Variants in MPRIP observed in about 807,000 individuals in gnomAD.
The protein encoded by MPRIP is myosin phosphatase Rho interacting protein.
A neutral mutation model predicts 234.9 loss-of-function variants in MPRIP; 59 were observed. The observed-to-expected ratio is 0.25, with a 90% CI of 0.20 to 0.31. The LOEUF is 0.31. Among genes scored for constraint, MPRIP ranks in the 10% least tolerant of loss-of-function variants. The probability of loss-of-function intolerance (pLI) is 1.00; values close to 1 mark genes in which losing one functional copy is unlikely to be tolerated. For synonymous variants in MPRIP, 1,144 were observed against 1,263.9 expected (o/e 0.91, Z 2.01); for missense variants, 2,436 against 3,071.0 (o/e 0.79, Z 4.89).
At chr17:17,080,766 A>G (rs915919444) in intron 3 of MPRIP, among the ~76,000 whole-genome samples, 2 of 152,256 alleles carry the variant, frequency 1.3e-5, no homozygotes, top group South Asian at 4.1e-4. Context: ...TTTAAAAATG[A>G]AAATGTAAAT....
At chr17:17,085,650 A>C (rs1458568523) in intron 3 of MPRIP, among the ~76,000 whole-genome samples, 1 of 152,166 alleles carries the variant, frequency 6.6e-6, no homozygotes, top group Non-Finnish European at 1.5e-5. Context: ...GTGGTGGCTC[A>C]CGCCTGTAAT....
Position 17,149,869 on chromosome 17 carries a change from C to T in MPRIP, c.1630-275C>T, listed in dbSNP as rs2045561464. ...CCTAACAGAAGCTCTTCTAGGGCCA[C>T]CAGTTTTTAAGAGTGTGAAGGGATT... On this transcript the variant is annotated intron_variant, in intron 11 of 23. Transcript: ENST00000651222. The T allele has an allele frequency of 2.7e-5, 6 of 223,010 alleles. No individual in the cohort carries two copies. In the South Asian group the frequency reaches 6.4e-4, roughly 24 times the overall value. 13.8% of individuals were successfully genotyped at this position (223,010 alleles called of 1,614,324 possible). A position where few individuals can be genotyped will look rare whatever the true frequency, so the allele number is the denominator to read the frequency against.
At chr17:17,065,958 C>G (rs1185800250) in intron 1 of MPRIP, among the ~76,000 whole-genome samples, 1 of 152,168 alleles carries the variant, frequency 6.6e-6, no homozygotes, top group Non-Finnish European at 1.5e-5. Context: ...GTGTCCGTTG[C>G]TAGCATATAG....
chr17:17,165,345 A>T lies in MPRIP; in HGVS notation c.3754A>T (p.Thr1252Ser). 1 of 1,304,190 alleles carries T rather than the reference A, an allele frequency of 7.7e-7. No individual in the cohort carries two copies. The highest frequency in any genetic ancestry group is 1.2e-5 in the South Asian group (1 of 81,034). The allele number at this position is 1,304,190 out of a possible 1,614,324, so 80.8% of individuals were successfully genotyped here. The change falls in exon 16 of 24, where the codon ACT (threonine) becomes TCT (serine). Residue 1252 changes from threonine to serine, a missense_variant. This residue lies in a region of MPRIP where 1,998 missense variants were observed against 2,520.3 expected (regional missense o/e 0.79). Transcript: ENST00000651222. ...TLLPGQPVQA[T>S]RAPLGLPHTR... ...GCTCCCAGGCCAACCAGTCCAAGCC[A>T]CTAGGGCACCTCTAGGCCTCCCACA...
rs2088212863 is a variant in MPRIP at position 17,042,784 on chromosome 17, G to A, written c.-65G>A. ...CGCGGCCGCGCTGAGCCCCTAGCCC[G>A]CCGGGAGCGCCAGGCCGGCCAGGCC... On this transcript the variant is annotated 5_prime_UTR_variant, in exon 1 of 24. Coordinates refer to ENST00000651222, the MANE Select transcript of MPRIP (RefSeq NM_001364716.4). The A allele has an allele frequency of 1.1e-5, 11 of 1,022,678 alleles. No homozygotes were observed. The highest frequency in any genetic ancestry group is 8.8e-5 in the South Asian group (2 of 22,758). The allele number at this position is 1,022,678 out of a possible 1,614,324, so 63.4% of individuals were successfully genotyped here.
intron 15 of MPRIP, 99 bp from the exon 16 acceptor site, chr17:17,164,010 C>T (rs911864413): frequency 1.3e-6 from 1 of 762,494 alleles, no homozygotes; most frequent in Non-Finnish European, 1.9e-6. Context: ...AAGCCAAAGC[C>T]ATCAAGGAGC....
chr17:17,190,550 A>G lies in MPRIP; in HGVS notation c.*5656A>G, dbSNP rs1009958609. The G allele has an allele frequency of 1.5e-4, 23 of 152,172 alleles. No homozygotes were observed. The highest frequency in any genetic ancestry group is 3.4e-4 in the Non-Finnish European group (23 of 68,024). The allele number at this position is 152,172 out of a possible 1,614,324, so 9.4% of individuals were successfully genotyped here. On this transcript the variant is annotated 3_prime_UTR_variant, in exon 24 of 24. Coordinates refer to ENST00000651222, the MANE Select transcript of MPRIP (RefSeq NM_001364716.4). Reference sequence around the variant, plus strand: ...GGAAAGGAACATTATCAGTTATCTCAAATTTTGTCTGCCAGGGACAAGACC... The same window carrying G: ...GGAAAGGAACATTATCAGTTATCTCGAATTTTGTCTGCCAGGGACAAGACC...
intron 12 of MPRIP, 71 bp downstream of exon 12, chr17:17,150,304 G>A: frequency 6.0e-6 from 7 of 1,173,910 alleles, no homozygotes; most frequent in Non-Finnish European, 8.9e-6. Context: ...CCTAATGTCT[G>A]GGCTGGGGGC....
chr17:17,085,452 C>T (rs755601262), intron 3 of MPRIP, among the ~76,000 whole-genome samples: 56 of 152,332 alleles, frequency 3.7e-4, no homozygotes, highest in Admixed American at 2.1e-3. Flanking sequence ...TCCCTAGGTG[C>T]TTTCAGACTT....
intron 22 of MPRIP, among the ~76,000 whole-genome samples, chr17:17,177,865 A>G (rs1413122597): frequency 6.6e-6 from 1 of 152,104 alleles, no homozygotes; most frequent in Non-Finnish European, 1.5e-5. Context: ...CCTGTAAAAA[A>G]TAGATGGCAG....
At chr17:17,175,018 C>T (rs2046224396) in intron 19 of MPRIP, among the ~76,000 whole-genome samples, 1 of 152,212 alleles carries the variant, frequency 6.6e-6, no homozygotes, top group Admixed American at 6.5e-5. Flanking sequence ...ATGGCTGCTG[C>T]ACAGGGCTGT....
At chr17:17,101,605 AAAT>A (rs1555570614) in intron 3 of MPRIP, among the ~76,000 whole-genome samples, 1 of 151,216 alleles carries the variant, frequency 6.6e-6, no homozygotes, top group Non-Finnish European at 1.5e-5. Context: ...ACAACAAAAA[AAAT>A]ATATATATAG....
chr17:17,078,589 C>G lies in MPRIP; in HGVS notation c.267+513C>G, dbSNP rs978004149. 2.0e-5 allele frequency among the ~76,000 whole-genome samples: 3 copies of G among 152,224 alleles called. No homozygotes were observed. Among genetic ancestry groups the G allele is most frequent in the African/African-American group, 7.2e-5 (3 of 41,464 alleles). Reference sequence around the variant, plus strand: ...TCCTGGTCACAAGGTCATCGTTCTTCTGGTCACTAAACCAGGCAGACAGGC... The same window carrying G: ...TCCTGGTCACAAGGTCATCGTTCTTGTGGTCACTAAACCAGGCAGACAGGC... On this transcript the variant is annotated intron_variant, in intron 3 of 23. Coordinates refer to ENST00000651222, the MANE Select transcript of MPRIP (RefSeq NM_001364716.4). This position sits in a 1 kb window ranked among gnomAD's most constrained non-coding sequence, Gnocchi z 4.3.
chr17:17,168,556 G>A (rs986587731), intron 16 of MPRIP: 23 of 332,662 alleles, frequency 6.9e-5, no homozygotes, highest in African/African-American at 3.9e-4. Flanking sequence ...CTGCATCCCC[G>A]CCCCTGAGGT....
intron 18 of MPRIP, among the ~76,000 whole-genome samples, chr17:17,173,136 G>C (rs981721199): frequency 5.9e-5 from 9 of 152,266 alleles, no homozygotes; most frequent in Admixed American, 2.6e-4. Context: ...TAGCCCACCA[G>C]GAGCCAGGCA....
chr17:17,122,891 A>G (rs1161967950), intron 3 of MPRIP, among the ~76,000 whole-genome samples: 3 of 152,220 alleles, frequency 2.0e-5, no homozygotes, highest in African/African-American at 7.2e-5. Context: ...CCCAAGAGAA[A>G]TGAGAGCACA....
At chr17:17,058,097 C>G in intron 1 of MPRIP, 1 of 243,478 alleles carries the variant, frequency 4.1e-6, no homozygotes, top group Non-Finnish European at 8.0e-6. Context: ...AGGCATTGCC[C>G]TTCACACCAG....
intron 5 of MPRIP, among the ~76,000 whole-genome samples, chr17:17,133,808 A>G (rs2090643732): frequency 6.6e-6 from 1 of 152,212 alleles, no homozygotes; most frequent in Non-Finnish European, 1.5e-5. Context: ...GGCCCTGACA[A>G]GAGTTTCCAA....
chr17:17,180,050 T>A lies in MPRIP; in HGVS notation c.7168T>A (p.Ser2390Thr), dbSNP rs1471661581. 1 of 1,593,276 alleles carries A rather than the reference T, an allele frequency of 6.3e-7. No homozygotes were observed. The change falls in exon 23 of 24, where the codon TCC becomes ACC. Residue 2390 changes from serine to threonine, a missense_variant. By Grantham distance (58) the Ser-to-Thr change is moderately conservative. Transcript: ENST00000651222. Reference protein sequence around the residue: ...SNPDFLKKDRSCVTRQLRNIR... With the variant: ...SNPDFLKKDRTCVTRQLRNIR... ...CCCTGACTTCTTGAAGAAAGACAGA[T>A]CCTGTGTCACCCGGCAACTCAGAAA...
Sources: allele counts gnomAD v4.1 joint callset (sites outside exome capture counted in the v4.1 genomes callset), GRCh38; gene constraint gnomAD v4.1.1; regional missense constraint gnomAD v4.1.1; non-coding constraint Gnocchi (gnomAD v3.1); transcripts MANE v1.5; gene names NCBI Gene and HGNC (gene_info 2026-07-23, HGNC 2026-07-21).